ABR: variants seen among roughly 807,000 people sequenced by gnomAD.
ABR encodes the protein active breakpoint cluster region-related protein.
ABR carries 35 observed loss-of-function variants against 107.2 expected under a neutral mutation model. That is an observed-to-expected ratio of 0.33 (90% CI 0.25 to 0.43). The LOEUF (loss-of-function observed/expected upper bound fraction) is 0.43, where lower values mean the gene tolerates loss of function less well. ABR is among the 20% of genes least tolerant of loss of function. ABR has a pLI of 1.00. For synonymous variants in ABR, 498 were observed against 462.0 expected (o/e 1.08, Z -1.00); for missense variants, 815 against 1,115.2 (o/e 0.73, Z 3.83).
At chr17:1,138,767 C>T (rs2040180069) in intron 1 of ABR, among the ~76,000 whole-genome samples, 2 of 152,310 alleles carry the variant, frequency 1.3e-5, no homozygotes, top group Admixed American at 6.5e-5. Context: ...CATGAGCCAC[C>T]ACACTCTGCC....
intron 1 of ABR, among the ~76,000 whole-genome samples, chr17:1,142,864 G>A (rs915412399): frequency 6.6e-6 from 1 of 152,180 alleles, no homozygotes; most frequent in Non-Finnish European, 1.5e-5. Context: ...CACAGACAGC[G>A]CCACCCTCAC....
At chr17:1,195,035 C>T (rs145527705) in intron 1 of ABR, among the ~76,000 whole-genome samples, 4,194 of 146,198 alleles carry the variant, frequency 0.029, 190 homozygotes, top group African/African-American at 0.098. Flanking sequence ...AGGCCAGGCG[C>T]GGTGGCTCAC....
rs1480280610 is a variant in ABR, at chr17:1,125,181, ACCC to A, written c.245_246+1del. 6.4e-7 allele frequency: 1 copy of A among 1,569,546 alleles called. No individual in the cohort carries two copies. Among genetic ancestry groups the A allele is most frequent in the Non-Finnish European group, 8.6e-7 (1 of 1,157,290 alleles). On this transcript the variant is annotated splice_donor_variant and coding_sequence_variant, in exon 2 of 23. Transcript: ENST00000302538. LOFTEE classifies it high-confidence loss of function. ...CCCAGAAAGAAAAGCCGGTGTACCT[ACCC>A]CAGGAGCCAGTCCCTCAGGTGGAGT...
intron 1 of ABR, among the ~76,000 whole-genome samples, chr17:1,158,490 C>T (rs192340073): frequency 2.0e-5 from 3 of 151,756 alleles, no homozygotes; most frequent in East Asian, 2.0e-4. Context: ...TGGCTGGGTG[C>T]GGTGGCTCAC....
intron 2 of ABR, among the ~76,000 whole-genome samples, chr17:1,114,357 C>G (rs1043617001): frequency 6.6e-6 from 1 of 151,606 alleles, no homozygotes; most frequent in Non-Finnish European, 1.5e-5. Flanking sequence ...GTAATCCCAG[C>G]TACTCTGGAG....
intron 2 of ABR, among the ~76,000 whole-genome samples, chr17:1,120,944 C>T (rs761891225): frequency 2.0e-5 from 3 of 152,278 alleles, no homozygotes; most frequent in East Asian, 1.9e-4. Context: ...TGTGGGGAGG[C>T]GGGTTTTCTG....
intron 10 of ABR, among the ~76,000 whole-genome samples, chr17:1,061,752 G>A (rs1359384591): frequency 2.6e-5 from 4 of 152,094 alleles, no homozygotes; most frequent in African/African-American, 7.2e-5. Flanking sequence ...TCATGATGTT[G>A]GCCAGGCTGG....
At chr17:1,186,294 T>C (rs1461112248) in intron 1 of ABR, among the ~76,000 whole-genome samples, 2 of 152,222 alleles carry the variant, frequency 1.3e-5, no homozygotes, top group Admixed American at 1.3e-4. Flanking sequence ...CTCCCGGCTT[T>C]TCCAGCAGCC....
At chr17:1,141,793 C>T (rs984281844) in intron 1 of ABR, among the ~76,000 whole-genome samples, 5 of 151,076 alleles carry the variant, frequency 3.3e-5, no homozygotes, top group African/African-American at 1.2e-4. Flanking sequence ...GAGTCTTGCT[C>T]TGTCTCCCAC....
chr17:1,120,255 GAT>G (rs1491421103), intron 2 of ABR, among the ~76,000 whole-genome samples: 119 of 38,070 alleles, frequency 3.1e-3, no homozygotes, highest in Admixed American at 4.7e-3. Flanking sequence ...CAATGATGAT[GAT>G]TTTTTTTTTC....
rs34646182 is a variant in ABR, at chr17:1,105,870, GAA to G, written c.247-5137_247-5136del. On this transcript the variant is annotated intron_variant, in intron 2 of 22. Transcript: ENST00000302538. ...GACAGAGTGAGACTCTGTCTCAAAA[GAA>G]AAAAAAAAATGGCACAGAATGATAC... 5.5e-4 allele frequency among the ~76,000 whole-genome samples: 79 copies of G among 144,774 alleles called. No homozygotes were observed. In the East Asian group the frequency reaches 0.013, roughly 24 times the overall value. 95.0% of individuals were successfully genotyped at this position (144,774 alleles called of 152,430 possible).
chr17:1,077,901 G>A (rs2035859840), intron 6 of ABR, among the ~76,000 whole-genome samples: 1 of 152,158 alleles, frequency 6.6e-6, no homozygotes, highest in African/African-American at 2.4e-5. Context: ...CCTGCCACAG[G>A]CAGGCAGGGC....
intron 16 of ABR, among the ~76,000 whole-genome samples, chr17:1,040,817 G>A (rs1000951377): frequency 3.3e-5 from 5 of 152,186 alleles, no homozygotes; most frequent in Admixed American, 2.0e-4. Context: ...AAAGATACTC[G>A]CTCTGTTCTC....
At chr17:1,229,701 C>G (rs1302459005) in exon 1 of ABR, among the ~76,000 whole-genome samples, 2 of 152,056 alleles carry the variant, frequency 1.3e-5, no homozygotes, top group Non-Finnish European at 2.9e-5. Flanking sequence ...TCAAGTGTCC[C>G]CTTCCGCCCT....
In ABR at chr17:1,004,261, A is replaced by G. The variant is rs911442096; in HGVS notation, c.*1819T>C. ...CCCAGGGAGCAAGGGCTCCTTGCTA[A>G]GCTGCTCACAGGCAGCCGATGGTCA... On this transcript the variant is annotated 3_prime_UTR_variant, in exon 23 of 23. Coordinates refer to ENST00000302538, the MANE Select transcript of ABR (RefSeq NM_021962.5). 1 of 152,350 alleles carries G rather than the reference A, an allele frequency of 6.6e-6. No individual in the cohort carries two copies. Among genetic ancestry groups the G allele is most frequent in the African/African-American group, 2.4e-5 (1 of 41,454 alleles). The allele number at this position is 152,350 out of a possible 1,614,324, so 9.4% of individuals were successfully genotyped here.
chr17:1,091,529 C>T (rs2037030120), intron 4 of ABR, 136 bp downstream of exon 4: 1 of 1,014,762 alleles, frequency 9.9e-7, no homozygotes, highest in Non-Finnish European at 1.4e-6. Flanking sequence ...AGGCCCAGGC[C>T]TTCCTCCCGG....
intron 2 of ABR, among the ~76,000 whole-genome samples, chr17:1,115,928 A>G (rs1351264073): frequency 6.8e-6 from 1 of 146,624 alleles, no homozygotes; most frequent in African/African-American, 2.5e-5. Flanking sequence ...CTCTGTCTCA[A>G]AAAAATAAAA....
At chr17:1,189,350 C>CTTT (rs202096936), upstream of ABR, among the ~76,000 whole-genome samples, 31 of 137,676 alleles carry the variant, frequency 2.3e-4, no homozygotes, top group African/African-American at 5.7e-4. Flanking sequence ...CTATGGCTTC[C>CTTT]TTTTTTTTTT....
chr17:1,004,758 T>C lies in ABR; in HGVS notation c.*1322A>G, dbSNP rs2069899120. On this transcript the variant is annotated 3_prime_UTR_variant, in exon 23 of 23. Coordinates refer to ENST00000302538, the MANE Select transcript of ABR (RefSeq NM_021962.5). ...GAGGCGGCTGTCTGATTCCCCACTC[T>C]CCCCACAACTTCTGGAGTTCCCAGT... The C allele has an allele frequency of 3.1e-6, 1 of 324,988 alleles. No individual in the cohort carries two copies. Among genetic ancestry groups the C allele is most frequent in the Non-Finnish European group, 5.6e-6 (1 of 178,886 alleles). The allele number at this position is 324,988 out of a possible 1,614,324, so 20.1% of individuals were successfully genotyped here.
Sources: gnomAD v4.1 joint callset for allele counts (sites outside exome capture counted in the v4.1 genomes callset) on GRCh38, gnomAD v4.1.1 for gene constraint, MANE v1.5 for transcripts, NCBI Gene and HGNC (gene_info 2026-07-23, HGNC 2026-07-21) for gene names.